The following PDXDC1 variants were observed in gnomAD, a reference collection of about 807,000 sequenced individuals.
PDXDC1 encodes the protein pyridoxal-dependent decarboxylase domain-containing protein 1.
In PDXDC1, 42 loss-of-function variants were observed where a neutral mutation model predicts 100.1. The ratio of observed to expected loss-of-function variants is 0.42; its 90% CI spans 0.33 to 0.54. The LOEUF is 0.54. Among genes scored for constraint, PDXDC1 ranks in the 20% least tolerant of loss-of-function variants. The pLI is 0.10. For synonymous variants in PDXDC1, 260 were observed against 371.7 expected (o/e 0.70, Z 3.46); for missense variants, 636 against 979.2 (o/e 0.65, Z 4.68).
chr16:15,079,045 C>T (rs1416963497), intron 16 of PDXDC1, among the ~76,000 whole-genome samples: 5 of 152,060 alleles, frequency 3.3e-5, no homozygotes, highest in Admixed American at 6.5e-5. Context: ...CTCCTGACCT[C>T]GTGATCCGCC....
chr16:15,085,265 C>A (rs1259117509), intron 16 of PDXDC1, among the ~76,000 whole-genome samples: 1 of 151,904 alleles, frequency 6.6e-6, no homozygotes, highest in African/African-American at 2.4e-5. Context: ...AAGATTACAT[C>A]AAAGGTTGTC....
chr16:15,049,703 G>C (rs2044222043), intron 16 of PDXDC1, among the ~76,000 whole-genome samples: 2 of 152,174 alleles, frequency 1.3e-5, no homozygotes, highest in African/African-American at 4.8e-5. Flanking sequence ...TGGGATTATA[G>C]CATGAGCCAC....
At chr16:15,134,313 C>T in intron 16 of PDXDC1, 2 of 685,070 alleles carry the variant, frequency 2.9e-6, no homozygotes, top group Non-Finnish European at 5.3e-6. Context: ...ACTCCAAGGA[C>T]ACAATGGGCA....
chr16:15,093,594 G>C (rs1184858790), intron 16 of PDXDC1, among the ~76,000 whole-genome samples: 5 of 152,254 alleles, frequency 3.3e-5, no homozygotes. Context: ...TGTTTTACAA[G>C]GTTTGCTTCA....
At chr16:15,132,391 T>TTAGGGGAGGGAAGGGGCAGGGGAGGGGC (rs2048141956) in intron 16 of PDXDC1, among the ~76,000 whole-genome samples, 3 of 11,426 alleles carry the variant, frequency 2.6e-4, no homozygotes, top group Admixed American at 9.9e-4. Context: ...AGGGGAGGGG[T>TTAGGGGAGGGAAGGGGCAGGGGAGGGGC]TAGGGGAGGG....
At chr16:15,133,640 C>T (rs527852826) in intron 16 of PDXDC1, 33 of 1,373,962 alleles carry the variant, frequency 2.4e-5, no homozygotes, top group East Asian at 2.3e-5. Flanking sequence ...GTGGCCCTGG[C>T]GACAGCGCTG....
At chr16:15,135,353 G>C (rs1245699371) in intron 16 of PDXDC1, 28 of 1,539,392 alleles carry the variant, frequency 1.8e-5, no homozygotes, top group Non-Finnish European at 2.1e-5. Context: ...CACGCCAGCC[G>C]CCAGCCGTTC....
intron 16 of PDXDC1, among the ~76,000 whole-genome samples, chr16:15,064,918 G>A (rs1426856662): frequency 2.0e-5 from 3 of 152,204 alleles, no homozygotes; most frequent in African/African-American, 4.8e-5. Flanking sequence ...TGTAATCCCA[G>A]CACTTTGGGA....
At chr16:15,062,591 T>C (rs2044757861) in intron 16 of PDXDC1, among the ~76,000 whole-genome samples, 1 of 152,230 alleles carries the variant, frequency 6.6e-6, no homozygotes, top group Non-Finnish European at 1.5e-5. Context: ...AACCTGCGTC[T>C]TCACCACCCA....
chr16:15,128,591 A>G (rs575564197), intron 16 of PDXDC1, among the ~76,000 whole-genome samples: 1 of 152,218 alleles, frequency 6.6e-6, no homozygotes, highest in South Asian at 2.1e-4. Context: ...GACATGATTA[A>G]GTTACATGGA....
intron 16 of PDXDC1, among the ~76,000 whole-genome samples, chr16:15,124,096 C>G (rs954719525): frequency 8.5e-5 from 13 of 152,330 alleles, no homozygotes; most frequent in African/African-American, 2.9e-4. Flanking sequence ...CTATGCATTT[C>G]AAGAAACAAA....
At chr16:15,010,771 A>T (rs2041195091) in intron 8 of PDXDC1, among the ~76,000 whole-genome samples, 1 of 152,296 alleles carries the variant, frequency 6.6e-6, no homozygotes, top group Non-Finnish European at 1.5e-5. Flanking sequence ...ATCAAATCTA[A>T]ACCATTTTCT....
chr16:15,087,061 G>A (rs1208386718), intron 16 of PDXDC1, among the ~76,000 whole-genome samples: 1 of 152,068 alleles, frequency 6.6e-6, no homozygotes, highest in Non-Finnish European at 1.5e-5. Flanking sequence ...TGCTAAATTT[G>A]AAACGCAATG....
At chr16:15,131,740 G>C (rs1170812655) in intron 16 of PDXDC1, 2 of 1,234,092 alleles carry the variant, frequency 1.6e-6, no homozygotes, top group Non-Finnish European at 1.1e-6. Context: ...TGCAGAGACA[G>C]GGAGGCAGAG....
intron 8 of PDXDC1, among the ~76,000 whole-genome samples, chr16:15,012,263 C>G (rs1185291992): frequency 7.2e-6 from 1 of 138,284 alleles, no homozygotes; most frequent in East Asian, 2.7e-4. Flanking sequence ...GCCACCACAC[C>G]TAGCTAGTTT....
the PDXDC1 span, among the ~76,000 whole-genome samples, chr16:15,145,238 T>C: frequency 7.2e-5 from 11 of 152,160 alleles, no homozygotes; most frequent in Admixed American, 2.0e-4. Flanking sequence ...AGCAGTGCCC[T>C]GGAGAGGGCA....
rs551319781 is a variant in PDXDC1 at position 14,989,065 on chromosome 16, A to G, written c.22-8688A>G. On this transcript the variant is annotated intron_variant, in intron 1 of 22. Coordinates refer to ENST00000396410, the MANE Select transcript of PDXDC1 (RefSeq NM_015027.4). ...GCTGGCGAGCAGGAGAGCATGTAAT[A>G]GAGCGTCAGGTTCACGGTGAGGCCA... is the stretch of plus-strand genomic sequence containing the variant. The G allele has an allele frequency of 8.1e-6, 13 of 1,614,246 alleles. No individual in the cohort carries two copies. The East Asian group carries it at 2.7e-4, about 33-fold the overall frequency.
downstream of PDXDC1, among the ~76,000 whole-genome samples, chr16:15,144,161 C>T (rs1191663623): frequency 6.6e-6 from 1 of 152,178 alleles, no homozygotes; most frequent in African/African-American, 2.4e-5. Context: ...CGAGAGCAGG[C>T]CCAGGGTGAG....
intron 16 of PDXDC1, among the ~76,000 whole-genome samples, chr16:15,050,337 T>G (rs1306029909): frequency 6.6e-6 from 1 of 152,214 alleles, no homozygotes; most frequent in Non-Finnish European, 1.5e-5. Context: ...AACGTATGTA[T>G]GTATTGCCTA....
Sources: gnomAD v4.1 joint callset for allele counts (sites outside exome capture counted in the v4.1 genomes callset) on GRCh38, gnomAD v4.1.1 for gene constraint, MANE v1.5 for transcripts, NCBI Gene and HGNC (gene_info 2026-07-23, HGNC 2026-07-21) for gene names.